Variants in NDUFAF2 observed in about 807,000 individuals in gnomAD.
NDUFAF2 encodes NADH:ubiquinone oxidoreductase complex assembly factor 2.
A neutral mutation model predicts 22.8 loss-of-function variants in NDUFAF2; 13 were observed. That is an observed-to-expected ratio of 0.57 (90% CI 0.37 to 0.91). The LOEUF (loss-of-function observed/expected upper bound fraction) is 0.91, where lower values mean the gene tolerates loss of function less well. Among genes scored for constraint, NDUFAF2 ranks in the 40% least tolerant of loss-of-function variants. The probability of loss-of-function intolerance (pLI) is 0.01; values close to 1 mark genes in which losing one functional copy is unlikely to be tolerated. For missense variants in NDUFAF2, 162 were observed against 195.2 expected (o/e 0.83, Z 1.01); for synonymous variants, 53 against 64.2 (o/e 0.83, Z 0.84).
intron 3 of NDUFAF2, among the ~76,000 whole-genome samples, chr5:61,104,831 A>G (rs1251527427): frequency 6.6e-6 from 1 of 152,144 alleles, no homozygotes. Flanking sequence ...TAAGTAAAAT[A>G]AATGTTTAAT....
In NDUFAF2 at chr5:61,003,645, C is replaced by CTT. The variant is rs33941286; in HGVS notation, c.127+58283_127+58284dup. On this transcript the variant is annotated intron_variant, in intron 1 of 3. Transcript: ENST00000296597. ...GGGTTTCTTTGAAAAAAAATCTATA[C>CTT]TTTTTTTTTTTTTTTTTTTTTAAGA... Among the ~76,000 whole-genome samples the CTT allele has an allele frequency of 1.0e-3, 127 of 121,746 alleles. 1 individual carries two copies. Among genetic ancestry groups the CTT allele is most frequent in the Middle Eastern group, 9.6e-3 (2 of 208 alleles). 79.9% of individuals were successfully genotyped at this position (121,746 alleles called of 152,430 possible). A position where few individuals can be genotyped will look rare whatever the true frequency, so the allele number is the denominator to read the frequency against.
chr5:60,962,614 C>A (rs1248384503), intron 1 of NDUFAF2, among the ~76,000 whole-genome samples: 1 of 151,982 alleles, frequency 6.6e-6, no homozygotes, highest in Non-Finnish European at 1.5e-5. Flanking sequence ...GGGCAGATCA[C>A]GAGGTCAGGA....
intron 1 of NDUFAF2, among the ~76,000 whole-genome samples, chr5:60,988,550 C>T (rs1431849683): frequency 6.6e-6 from 1 of 152,094 alleles, no homozygotes; most frequent in African/African-American, 2.4e-5. Flanking sequence ...CTGTAGTAAC[C>T]AAAACAGTAT....
At chr5:61,086,187 TAGAG>T (rs1204542513) in intron 2 of NDUFAF2, among the ~76,000 whole-genome samples, 2 of 152,022 alleles carry the variant, frequency 1.3e-5, no homozygotes, top group African/African-American at 2.4e-5. Context: ...AAGACTTAAA[TAGAG>T]AGATGTACAA....
At chr5:61,105,644 A>G (rs892919800) in intron 3 of NDUFAF2, among the ~76,000 whole-genome samples, 1 of 143,528 alleles carries the variant, frequency 7.0e-6, no homozygotes, top group Non-Finnish European at 1.5e-5. Flanking sequence ...AAAAAAAAAA[A>G]GCAGCTACAG....
chr5:61,110,028 A>T (rs535684858), intron 3 of NDUFAF2, among the ~76,000 whole-genome samples: 5 of 152,132 alleles, frequency 3.3e-5, no homozygotes, highest in Middle Eastern at 3.2e-3. Context: ...TCATGAAAGG[A>T]TGTTGAATTT....
At chr5:61,066,492 A>G (rs1752229569) in intron 1 of NDUFAF2, among the ~76,000 whole-genome samples, 1 of 152,116 alleles carries the variant, frequency 6.6e-6, no homozygotes, top group South Asian at 2.1e-4. Context: ...TTACAGAGCT[A>G]TAGTAATCAA....
intron 1 of NDUFAF2, among the ~76,000 whole-genome samples, chr5:60,993,643 G>A (rs192705015): frequency 8.2e-4 from 124 of 151,948 alleles, no homozygotes; most frequent in African/African-American, 2.8e-3. Context: ...TCCTCTCTGC[G>A]GGTGGTCATC....
At position 61,063,420 on chromosome 5, in the gene NDUFAF2, G is replaced by A. The variant is rs193187619; in HGVS notation, c.128-9705G>A. On this transcript the variant is annotated intron_variant, in intron 1 of 3. Coordinates refer to ENST00000296597, the MANE Select transcript of NDUFAF2 (RefSeq NM_174889.5). ...AGGCTGAGGCAGGAGGATCATTTGAGACTCAGGTTGAGTCTGCAGTTAGCC... is the reference window on the plus strand; with the variant it reads ...AGGCTGAGGCAGGAGGATCATTTGAAACTCAGGTTGAGTCTGCAGTTAGCC... Among the ~76,000 whole-genome samples, 61 of 152,056 alleles carry A rather than the reference G, an allele frequency of 4.0e-4. No individual in the cohort carries two copies. In the East Asian group the frequency reaches 7.2e-3, roughly 18 times the overall value.
At chr5:61,031,526 CATA>C (rs1751727503) in intron 1 of NDUFAF2, among the ~76,000 whole-genome samples, 1 of 151,860 alleles carries the variant, frequency 6.6e-6, no homozygotes, top group Non-Finnish European at 1.5e-5. Context: ...TGGTATACTG[CATA>C]GTATTCCATG....
chr5:61,106,609 C>G (rs906709429), intron 3 of NDUFAF2, among the ~76,000 whole-genome samples: 34 of 151,136 alleles, frequency 2.2e-4, no homozygotes, highest in Admixed American at 2.0e-3. Flanking sequence ...TGTAGTCACT[C>G]TGTTGTACTA....
At chr5:60,996,188 A>C (rs1251577048) in intron 1 of NDUFAF2, among the ~76,000 whole-genome samples, 1 of 152,042 alleles carries the variant, frequency 6.6e-6, no homozygotes, top group Admixed American at 6.6e-5. Context: ...GGCTGACCCA[A>C]GGTCCTCGAT....
intron 1 of NDUFAF2, among the ~76,000 whole-genome samples, chr5:61,015,564 G>A (rs1043182567): frequency 4.6e-5 from 7 of 152,278 alleles, no homozygotes; most frequent in Admixed American, 4.6e-4. Context: ...TTACAGGCCT[G>A]AGCCACCTCA....
chr5:61,063,116 A>T (rs1313286882), intron 1 of NDUFAF2, among the ~76,000 whole-genome samples: 4 of 152,134 alleles, frequency 2.6e-5, no homozygotes, highest in Non-Finnish European at 4.4e-5. Flanking sequence ...GTGAAAGTAT[A>T]AAAACCACTG....
At chr5:61,075,852 G>A (rs1327063425) in intron 2 of NDUFAF2, among the ~76,000 whole-genome samples, 1 of 152,138 alleles carries the variant, frequency 6.6e-6, no homozygotes, top group Non-Finnish European at 1.5e-5. Flanking sequence ...ACTGGGACCT[G>A]CAAGTTGCAT....
intron 1 of NDUFAF2, among the ~76,000 whole-genome samples, chr5:61,004,368 A>T (rs1751338290): frequency 6.6e-6 from 1 of 152,114 alleles, no homozygotes; most frequent in Admixed American, 6.6e-5. Context: ...AAAAACTGAA[A>T]TTGATTTTTT....
At chr5:61,106,465 G>A (rs537074378) in intron 3 of NDUFAF2, among the ~76,000 whole-genome samples, 3 of 151,000 alleles carry the variant, frequency 2.0e-5, no homozygotes, top group Admixed American at 6.6e-5. Context: ...ATTTTGATAC[G>A]TGCATACAAT....
At chr5:61,113,375 A>G (rs1470990772) in intron 3 of NDUFAF2, among the ~76,000 whole-genome samples, 1 of 152,062 alleles carries the variant, frequency 6.6e-6, no homozygotes, top group South Asian at 2.1e-4. Context: ...TTTATTTTGT[A>G]AAGTCTTTAT....
At chr5:60,971,598 GC>G (rs1436917758) in intron 1 of NDUFAF2, among the ~76,000 whole-genome samples, 1 of 151,690 alleles carries the variant, frequency 6.6e-6, no homozygotes, top group African/African-American at 2.4e-5. Flanking sequence ...ATCCCCTAAT[GC>G]TATCCCTCCC....
Sources: allele counts gnomAD v4.1 joint callset (sites outside exome capture counted in the v4.1 genomes callset), GRCh38; gene constraint gnomAD v4.1.1; transcripts MANE v1.5; gene names NCBI Gene and HGNC (gene_info 2026-07-23, HGNC 2026-07-21).